The following PGM2L1 variants were observed in gnomAD, a reference collection of about 807,000 sequenced individuals.
PGM2L1 encodes glucose 1,6-bisphosphate synthase.
Under a neutral mutation model 73.4 loss-of-function variants are expected in PGM2L1, and 35 were observed. The observed-to-expected ratio is 0.48, with a 90% confidence interval of 0.36 to 0.63. The LOEUF (loss-of-function observed/expected upper bound fraction) is 0.63, where lower values mean the gene tolerates loss of function less well. Among genes scored for constraint, PGM2L1 ranks in the 30% least tolerant of loss-of-function variants. The pLI is 0.00. For synonymous variants in PGM2L1, 225 were observed against 253.8 expected (o/e 0.89, Z 1.08); for missense variants, 570 against 742.0 (o/e 0.77, Z 2.69).
rs1322615354 is a variant in PGM2L1, at chr11:74,338,114, T to A, written c.1766+354A>T. The stretch of plus-strand genomic sequence containing the variant: ...GGAATAAATTCATGCTACAACTGAA[T>A]CATGGTGGAACCTAGAAACCATTAT... On this transcript the variant is annotated intron_variant, in intron 13 of 13. Coordinates refer to ENST00000298198, the MANE Select transcript of PGM2L1 (RefSeq NM_173582.6). Among the ~76,000 whole-genome samples the A allele has an allele frequency of 2.0e-5, 3 of 152,190 alleles. No individual in the cohort carries two copies. In the East Asian group the frequency reaches 5.8e-4, roughly 29 times the overall value.
At chr11:74,360,546 G>A (rs953091253) in intron 5 of PGM2L1, among the ~76,000 whole-genome samples, 7 of 152,060 alleles carry the variant, frequency 4.6e-5, no homozygotes, top group Admixed American at 1.3e-4. Context: ...ACTGGGGCTC[G>A]TTGGACAGTG....
chr11:74,388,689 A>T (rs1863049249), intron 1 of PGM2L1, among the ~76,000 whole-genome samples: 1 of 152,202 alleles, frequency 6.6e-6, no homozygotes, highest in Non-Finnish European at 1.5e-5. Context: ...ATACTCTTTA[A>T]GGCATTAAAT....
chr11:74,370,933 A>G lies in PGM2L1; in HGVS notation c.440T>C (p.Leu147Pro). 2 of 1,612,968 alleles carry G rather than the reference A, an allele frequency of 1.2e-6. No homozygotes were observed. The highest frequency in any genetic ancestry group is 1.7e-6 in the Non-Finnish European group (2 of 1,179,194). ...VLLAKDVPVY[L>P]FSRYVPTPFV... ...AGGTGTAGGAACATATCTTGAAAAA[A>G]GGTACACAGGAACATCTTTGGCCAG... The change falls in exon 4 of 14, where the codon CTT (leucine) becomes CCT (proline). Residue 147 changes from leucine (L) to proline (P), a missense_variant. Transcript: ENST00000298198.
chr11:74,393,565 T>C (rs970949576), intron 1 of PGM2L1, among the ~76,000 whole-genome samples: 1 of 152,234 alleles, frequency 6.6e-6, no homozygotes, highest in Non-Finnish European at 1.5e-5. Flanking sequence ...CTGGCTTAGA[T>C]TGAAGTATTT....
At chr11:74,376,225 T>C (rs1050028157) in intron 1 of PGM2L1, among the ~76,000 whole-genome samples, 1 of 152,168 alleles carries the variant, frequency 6.6e-6, no homozygotes, top group Non-Finnish European at 1.5e-5. Flanking sequence ...AATATTACTA[T>C]TGTGTAGACG....
chr11:74,333,937 T>C lies in PGM2L1; in HGVS notation c.*2715A>G, dbSNP rs991644816. 1 of 152,238 alleles carries C rather than the reference T, an allele frequency of 6.6e-6. No individual in the cohort carries two copies. The highest frequency in any genetic ancestry group is 1.5e-5 in the Non-Finnish European group (1 of 68,036). The allele number at this position is 152,238 out of a possible 1,614,324, so 9.4% of individuals were successfully genotyped here. On this transcript the variant is annotated 3_prime_UTR_variant, in exon 14 of 14. Coordinates refer to ENST00000298198, the MANE Select transcript of PGM2L1 (RefSeq NM_173582.6). The stretch of plus-strand genomic sequence containing the variant: ...AGATAAACATTGTAGTGCCCGAGGC[T>C]GAGACCTCCTAGCCAGCACTTCTGT...
At chr11:74,396,703 G>C (rs148551724) in intron 1 of PGM2L1, among the ~76,000 whole-genome samples, 1,832 of 152,238 alleles carry the variant, frequency 0.012, 17 homozygotes, top group Non-Finnish European at 0.021. Flanking sequence ...CCTGAGCCAC[G>C]GCGCCCGGCC....
intron 2 of PGM2L1, among the ~76,000 whole-genome samples, chr11:74,374,037 C>T (rs369881762): frequency 1.5e-5 from 2 of 131,704 alleles, no homozygotes; most frequent in African/African-American, 5.5e-5. Context: ...AATGGCACTA[C>T]CTAATTTATA....
intron 1 of PGM2L1, among the ~76,000 whole-genome samples, chr11:74,376,256 G>C (rs1023906874): frequency 6.6e-6 from 1 of 151,898 alleles, no homozygotes; most frequent in Non-Finnish European, 1.5e-5. Context: ...GATTTAGAGA[G>C]GGAGCCTAGT....
intron 5 of PGM2L1, among the ~76,000 whole-genome samples, chr11:74,352,997 G>A (rs1249436955): frequency 6.6e-6 from 1 of 152,170 alleles, no homozygotes; most frequent in East Asian, 1.9e-4. Context: ...CTATTACAGA[G>A]ATCATGAGGA....
chr11:74,343,957 A>G (rs1862223988), intron 9 of PGM2L1, among the ~76,000 whole-genome samples: 1 of 151,742 alleles, frequency 6.6e-6, no homozygotes, highest in Non-Finnish European at 1.5e-5. Flanking sequence ...TTGTATTTTT[A>G]GTAGAGACGG....
chr11:74,371,926 G>A, intron 2 of PGM2L1, 109 bp from the exon 3 acceptor site: 1 of 915,372 alleles, frequency 1.1e-6, no homozygotes, highest in Non-Finnish European at 1.8e-6. Flanking sequence ...TGCTAGGGAA[G>A]TGGCTTCTGC....
At chr11:74,388,220 T>C (rs185195955) in intron 1 of PGM2L1, among the ~76,000 whole-genome samples, 78 of 152,314 alleles carry the variant, frequency 5.1e-4, no homozygotes, top group African/African-American at 1.7e-3. Flanking sequence ...GAATTCATTA[T>C]AGAGATATGC....
chr11:74,364,786 C>T (rs1862628252), intron 5 of PGM2L1, among the ~76,000 whole-genome samples: 1 of 152,182 alleles, frequency 6.6e-6, no homozygotes, highest in African/African-American at 2.4e-5. Flanking sequence ...ATGGCCATAC[C>T]ACCCAAGGTA....
At chr11:74,371,633 CCTA>C in intron 3 of PGM2L1, 75 bp downstream of exon 3, 1 of 1,195,230 alleles carries the variant, frequency 8.4e-7, no homozygotes, top group East Asian at 2.4e-5. Flanking sequence ...TTTCAGAAAT[CCTA>C]CTACTAGACA....
intron 6 of PGM2L1, among the ~76,000 whole-genome samples, chr11:74,350,003 T>C (rs1862325452): frequency 6.6e-6 from 1 of 152,170 alleles, no homozygotes; most frequent in African/African-American, 2.4e-5. Context: ...TTCTTCTCTG[T>C]GTAATTATGC....
rs754103386 is a variant in PGM2L1 at position 74,351,472 on chromosome 11, A to G, written c.660T>C (p.Asn220=). Reference sequence around the variant, plus strand: ...TCTTCAGCGGGCTGGTATCCACTAAATTATCATTCCAGGAACCATTCCAGG... The same window carrying G: ...TCTTCAGCGGGCTGGTATCCACTAAGTTATCATTCCAGGAACCATTCCAGG... ...VEPWNGSWND[N]LVDTSPLKRD... Residue 220 remains asparagine (N), a synonymous_variant, in exon 6 of 14, where the codon AAT becomes AAC. Transcript: ENST00000298198. The G allele has an allele frequency of 5.0e-6, 8 of 1,613,914 alleles. No individual in the cohort carries two copies. The African/African-American group carries it at 1.1e-4, about 22-fold the overall frequency.
In PGM2L1 at chr11:74,351,588, G is replaced by GTAAA. The variant is rs1283886867; in HGVS notation, c.556-16_556-13dup. ...GTTTCCCAGTAAACCTAGATGATAAGTAAATATAACCATAATTACTTAAAA... is the reference window on the plus strand; with the variant it reads ...GTTTCCCAGTAAACCTAGATGATAAGTAAATAAATATAACCATAATTACTTAAAA... On this transcript the variant is annotated splice_polypyrimidine_tract_variant and intron_variant, in intron 5 of 13. Coordinates refer to ENST00000298198, the MANE Select transcript of PGM2L1 (RefSeq NM_173582.6). 6.3e-7 allele frequency: 1 copy of GTAAA among 1,577,756 alleles called. No individual in the cohort carries two copies. Among genetic ancestry groups the GTAAA allele is most frequent in the East Asian group, 2.2e-5 (1 of 44,514 alleles).
chr11:74,348,547 C>G (rs564000365), intron 6 of PGM2L1, among the ~76,000 whole-genome samples: 1 of 152,118 alleles, frequency 6.6e-6, no homozygotes, highest in Non-Finnish European at 1.5e-5. Context: ...ACAATAATTT[C>G]TTTCCTCTAA....
Sources: gnomAD v4.1 joint callset for allele counts (sites outside exome capture counted in the v4.1 genomes callset) on GRCh38, gnomAD v4.1.1 for gene constraint, MANE v1.5 for transcripts, NCBI Gene and HGNC (gene_info 2026-07-23, HGNC 2026-07-21) for gene names.